ABCC1: variants seen among roughly 807,000 people sequenced by gnomAD.
ABCC1 encodes the protein ATP binding cassette subfamily C member 1 (ABCC1 blood group).
A neutral mutation model predicts 172.9 loss-of-function variants in ABCC1; 83 were observed. The ratio of observed to expected loss-of-function variants is 0.48; its 90% confidence interval spans 0.40 to 0.58. The LOEUF is 0.58. Among genes scored for constraint, ABCC1 ranks in the 20% least tolerant of loss-of-function variants. The probability of loss-of-function intolerance (pLI) is 0.00; values close to 1 mark genes in which losing one functional copy is unlikely to be tolerated. For missense variants in ABCC1, 1,817 were observed against 2,002.7 expected, an observed-to-expected ratio of 0.91 and a Z score of 1.77; for synonymous variants, 937 against 825.2, an observed-to-expected ratio of 1.14 and a Z score of -2.32.
intron 1 of ABCC1, among the ~76,000 whole-genome samples, chr16:15,960,421 C>CT (rs1339642759): frequency 6.6e-6 from 1 of 152,262 alleles, no homozygotes; most frequent in African/African-American, 2.4e-5. Context: ...TCCCACACTG[C>CT]TTTTCATTCA....
At chr16:16,055,941 T>C (rs561909860) in intron 11 of ABCC1, 151 bp from the exon 12 acceptor site, 4 of 725,584 alleles carry the variant, frequency 5.5e-6, no homozygotes, top group African/African-American at 3.8e-5. Flanking sequence ...TGAAACCCCA[T>C]CTCTATTGAA....
intron 1 of ABCC1, among the ~76,000 whole-genome samples, chr16:16,006,854 G>A (rs994046830): frequency 6.7e-6 from 1 of 149,298 alleles, no homozygotes; most frequent in Non-Finnish European, 1.5e-5. Flanking sequence ...TGGTGGTGGC[G>A]GTGGCGGTGG....
chr16:15,969,275 A>T (rs945125811), intron 1 of ABCC1, among the ~76,000 whole-genome samples: 4 of 151,680 alleles, frequency 2.6e-5, no homozygotes, highest in Admixed American at 6.6e-5. Context: ...ATTATGATGC[A>T]TTTTTGTTAA....
chr16:16,061,181 TC>T (rs1353281242), intron 12 of ABCC1, among the ~76,000 whole-genome samples: 1 of 152,184 alleles, frequency 6.6e-6, no homozygotes, highest in Non-Finnish European at 1.5e-5. Flanking sequence ...CACCTCGGCC[TC>T]CTAAAGTGCT....
chr16:16,093,861 G>T (rs1334741393), intron 19 of ABCC1, among the ~76,000 whole-genome samples: 3 of 152,074 alleles, frequency 2.0e-5, no homozygotes, highest in Admixed American at 6.6e-5. Context: ...GAGAATCCTT[G>T]AGGGGGGATG....
chr16:16,093,615 C>G (rs2051341980), intron 19 of ABCC1, among the ~76,000 whole-genome samples: 1 of 152,166 alleles, frequency 6.6e-6, no homozygotes, highest in African/African-American at 2.4e-5. Flanking sequence ...GGGGCACCCC[C>G]CTCTCTCACC....
intron 21 of ABCC1, among the ~76,000 whole-genome samples, chr16:16,108,273 CTTTTTTTTTTTTTTT>C (rs79826916): frequency 9.4e-6 from 1 of 106,314 alleles, no homozygotes; most frequent in African/African-American, 3.4e-5. Context: ...TTCTTTGTGT[CTTTTTTTTTTTTTTT>C]TTTTTTTTTG....
intron 10 of ABCC1, among the ~76,000 whole-genome samples, chr16:16,051,776 C>G (rs1342647650): frequency 6.6e-6 from 1 of 152,132 alleles, no homozygotes; most frequent in East Asian, 1.9e-4. Context: ...TTTGTACAAA[C>G]AGTTGAGGCA....
At chr16:15,979,239 T>C (rs45577331) in intron 1 of ABCC1, among the ~76,000 whole-genome samples, 35 of 152,020 alleles carry the variant, frequency 2.3e-4, no homozygotes, top group African/African-American at 8.4e-4. Context: ...TGCAGTGAGC[T>C]GAGATTGCAC....
intron 12 of ABCC1, among the ~76,000 whole-genome samples, chr16:16,062,182 C>T (rs2049945286): frequency 6.6e-6 from 1 of 152,156 alleles, no homozygotes; most frequent in Non-Finnish European, 1.5e-5. Flanking sequence ...GGATGGGCAG[C>T]GTGTTCTCAC....
chr16:16,077,802 C>T (rs1436733234), intron 15 of ABCC1, among the ~76,000 whole-genome samples: 1 of 152,236 alleles, frequency 6.6e-6, no homozygotes, highest in Non-Finnish European at 1.5e-5. Flanking sequence ...GTGGGCACAT[C>T]ACCTGAAGTC....
At chr16:16,055,535 G>A (rs2049610872) in intron 11 of ABCC1, among the ~76,000 whole-genome samples, 1 of 148,604 alleles carries the variant, frequency 6.7e-6, no homozygotes, top group Non-Finnish European at 1.5e-5. Flanking sequence ...GGGCAAGAGA[G>A]CGAGACTCCG....
intron 27 of ABCC1, among the ~76,000 whole-genome samples, chr16:16,134,115 T>C (rs1018900953): frequency 2.6e-5 from 4 of 152,176 alleles, no homozygotes; most frequent in African/African-American, 7.2e-5. Flanking sequence ...TAGTAACTTA[T>C]AAAAAGCCGA....
chr16:16,006,492 A>G (rs2047536166), intron 1 of ABCC1, among the ~76,000 whole-genome samples: 1 of 152,088 alleles, frequency 6.6e-6, no homozygotes, highest in African/African-American at 2.4e-5. Context: ...ATTCTTGGGC[A>G]GGTACATCTG....
chr16:16,008,405 G>C (rs554614086), intron 2 of ABCC1, among the ~76,000 whole-genome samples: 16 of 151,792 alleles, frequency 1.1e-4, no homozygotes, highest in Non-Finnish European at 1.3e-4. Flanking sequence ...GGGACTTGCT[G>C]TGTTGCCCGG....
chr16:15,979,044 G>A (rs953564869), intron 1 of ABCC1, among the ~76,000 whole-genome samples: 2 of 152,094 alleles, frequency 1.3e-5, no homozygotes, highest in Non-Finnish European at 2.9e-5. Flanking sequence ...CGTAGTCCCA[G>A]CACTTCGGGG....
chr16:16,023,826 T>G (rs246241), intron 5 of ABCC1, among the ~76,000 whole-genome samples: 129,348 of 152,010 alleles, frequency 0.85, 55,477 homozygotes, highest in Non-Finnish European at 0.9. Flanking sequence ...GGTGAATATG[T>G]TTGGAGGTGG....
At chr16:16,139,702 G>A (rs1256763070) in intron 30 of ABCC1, among the ~76,000 whole-genome samples, 3 of 150,038 alleles carry the variant, frequency 2.0e-5, no homozygotes, top group African/African-American at 4.9e-5. Flanking sequence ...AGCATTTTGT[G>A]TGGAGAAAGC....
chr16:16,035,755 A>G (rs1428970277), intron 6 of ABCC1, among the ~76,000 whole-genome samples: 1 of 151,786 alleles, frequency 6.6e-6, no homozygotes, highest in Non-Finnish European at 1.5e-5. Flanking sequence ...TCGGCCTCCC[A>G]GAGCGCTAGG....
Sources: gnomAD v4.1 joint callset for allele counts (sites outside exome capture counted in the v4.1 genomes callset) on GRCh38, gnomAD v4.1.1 for gene constraint, MANE v1.5 for transcripts, NCBI Gene and HGNC (gene_info 2026-07-23, HGNC 2026-07-21) for gene names.